Variants in PTPN11 observed in about 807,000 individuals in gnomAD.
The protein encoded by PTPN11 is protein tyrosine phosphatase non-receptor type 11.
Under a neutral mutation model 78.8 loss-of-function variants are expected in PTPN11, and 6 were observed. The observed-to-expected ratio is 0.08, with a 90% confidence interval of 0.04 to 0.15. The LOEUF (loss-of-function observed/expected upper bound fraction) is 0.15. PTPN11 is among the 10% of genes least tolerant of loss of function. The probability of loss-of-function intolerance (pLI) is 1.00; values close to 1 mark genes in which losing one functional copy is unlikely to be tolerated. For synonymous variants in PTPN11, 221 were observed against 263.5 expected, an observed-to-expected ratio of 0.84 and a Z score of 1.56; for missense variants, 386 against 744.8, an observed-to-expected ratio of 0.52 and a Z score of 5.61.
chr12:112,504,977 A>C lies in PTPN11; in HGVS notation c.*32+181A>C, dbSNP rs1195059242. ...ATGGTTTTAGTTTAGAGTTCATTAA[A>C]CATTAAAATCAAACACAGAATTAAT... On this transcript the variant is annotated intron_variant, in intron 15 of 15. Transcript: ENST00000351677. This position sits in a 1 kb window ranked among gnomAD's most constrained non-coding sequence, Gnocchi z 4.7. Among the ~76,000 whole-genome samples, 1 of 152,246 alleles carries C rather than the reference A, an allele frequency of 6.6e-6. No individual in the cohort carries two copies. The highest frequency in any genetic ancestry group is 2.4e-5 in the African/African-American group (1 of 41,450).
chr12:112,419,163 C>T (rs1264925397), intron 1 of PTPN11, 38 bp downstream of exon 1: 2 of 1,484,018 alleles, frequency 1.3e-6, no homozygotes, highest in Non-Finnish European at 1.8e-6. Flanking sequence ...GGCCTCGGCC[C>T]GGCCACCGCC....
chr12:112,456,072 T>C lies in PTPN11; in HGVS notation c.756+9T>C, dbSNP rs773222704. 17 of 1,558,518 alleles carry C rather than the reference T, an allele frequency of 1.1e-5. No individual in the cohort carries two copies. In the Admixed American group the frequency reaches 2.5e-4, roughly 23 times the overall value. ...TTTGGGAAGAATTTGAGGTAAGTTA[T>C]TAAAAAACTGTTTTTACGTGAGTTG... On this transcript the variant is annotated intron_variant, in intron 6 of 15. Transcript: ENST00000351677.
At chr12:112,478,138 G>A in intron 9 of PTPN11, 123 bp downstream of exon 9, 1 of 1,141,118 alleles carries the variant, frequency 8.8e-7, no homozygotes, top group South Asian at 1.4e-5. Flanking sequence ...TGGAAAAAAG[G>A]GACTAGGAGA....
intron 1 of PTPN11, among the ~76,000 whole-genome samples, chr12:112,431,699 A>G (rs545510447): frequency 6.6e-6 from 1 of 152,290 alleles, no homozygotes; most frequent in East Asian, 1.9e-4. Flanking sequence ...ACTTTTTTCT[A>G]AACGTTTTCT....
intron 6 of PTPN11, chr12:112,457,305 T>G (rs945278667): frequency 2.9e-6 from 1 of 350,772 alleles, no homozygotes; most frequent in African/African-American, 2.2e-5. Context: ...CTGAGAATGA[T>G]GGTTTCCAGC....
At chr12:112,434,476 C>T (rs892367510) in intron 1 of PTPN11, among the ~76,000 whole-genome samples, 5 of 151,620 alleles carry the variant, frequency 3.3e-5, no homozygotes, top group Non-Finnish European at 5.9e-5. Context: ...GGCATGGTGG[C>T]GTGCACCTGT....
At chr12:112,429,094 A>C (rs1042447560) in intron 1 of PTPN11, among the ~76,000 whole-genome samples, 59 of 152,332 alleles carry the variant, frequency 3.9e-4, no homozygotes, top group Admixed American at 1.2e-3. Flanking sequence ...AGAGCCATGA[A>C]GAAGTGTATG....
In PTPN11 at chr12:112,482,768, G is replaced by GGGATTGTTT. The variant is rs2038616918; in HGVS notation, c.1224+566_1224+574dup. Among the ~76,000 whole-genome samples, 2 of 152,158 alleles carry GGGATTGTTT rather than the reference G, an allele frequency of 1.3e-5. No homozygotes were observed. Among genetic ancestry groups the GGGATTGTTT allele is most frequent in the South Asian group, 4.1e-4 (2 of 4,832 alleles). On this transcript the variant is annotated intron_variant, in intron 10 of 15. Transcript: ENST00000351677. The surrounding 1 kb of genome is among the most constrained non-coding windows in gnomAD (Gnocchi z 4.4). ...CGGGGGGTGAAGTCTGCAGGATGTG[G>GGGATTGTTT]GGATTGTTTGGCTTTTGGAGGAGGA... is the stretch of plus-strand genomic sequence containing the variant.
intron 5 of PTPN11, among the ~76,000 whole-genome samples, chr12:112,454,982 G>A (rs2038134237): frequency 6.7e-6 from 1 of 150,270 alleles, no homozygotes; most frequent in Non-Finnish European, 1.5e-5. Flanking sequence ...ACCATGCCCG[G>A]CTAGTTTTTG....
At chr12:112,476,068 G>C (rs1313265711) in intron 7 of PTPN11, among the ~76,000 whole-genome samples, 1 of 152,116 alleles carries the variant, frequency 6.6e-6, no homozygotes, top group Non-Finnish European at 1.5e-5. Context: ...GCTTCCCAAA[G>C]TGCCAGGATT....
intron 14 of PTPN11, among the ~76,000 whole-genome samples, chr12:112,502,662 G>T (rs1436142113): frequency 6.6e-6 from 1 of 152,064 alleles, no homozygotes; most frequent in East Asian, 1.9e-4. Flanking sequence ...CAGGAGAATC[G>T]CTTGAACCCA....
chr12:112,499,286 GTGAGT>G (rs1449306453), intron 13 of PTPN11, among the ~76,000 whole-genome samples: 1 of 152,038 alleles, frequency 6.6e-6, no homozygotes, highest in African/African-American at 2.4e-5. Flanking sequence ...TATTTAAAAA[GTGAGT>G]TGAGATTTTT....
intron 9 of PTPN11, among the ~76,000 whole-genome samples, chr12:112,479,254 G>T (rs188240026): frequency 6.0e-4 from 90 of 149,866 alleles, no homozygotes; most frequent in African/African-American, 2.1e-3. Flanking sequence ...CACCATGGTG[G>T]TTTTTTTTTT....
chr12:112,459,256 C>G (rs2038210488), intron 6 of PTPN11, among the ~76,000 whole-genome samples: 1 of 151,910 alleles, frequency 6.6e-6, no homozygotes, highest in South Asian at 2.1e-4. Flanking sequence ...AATGGAAAGC[C>G]GATTGTTCCA....
chr12:112,480,366 CT>C (rs570561435), intron 9 of PTPN11, among the ~76,000 whole-genome samples: 11,854 of 130,200 alleles, frequency 0.091, 423 homozygotes, highest in Middle Eastern at 0.18. Flanking sequence ...CCACATCGTT[CT>C]TTTTTTTTTT....
At chr12:112,431,652 A>G (rs1327045836) in intron 1 of PTPN11, among the ~76,000 whole-genome samples, 2 of 152,146 alleles carry the variant, frequency 1.3e-5, no homozygotes, top group Non-Finnish European at 2.9e-5. Flanking sequence ...AGAGTCAACC[A>G]GGGGCCATGC....
At chr12:112,424,075 A>G (rs1014376051) in intron 1 of PTPN11, among the ~76,000 whole-genome samples, 2 of 152,190 alleles carry the variant, frequency 1.3e-5, no homozygotes, top group Middle Eastern at 3.2e-3. Flanking sequence ...TTTTAAAGAT[A>G]ATGGTTCAAG....
chr12:112,447,833 C>T (rs1479519628), intron 2 of PTPN11, among the ~76,000 whole-genome samples: 4 of 130,744 alleles, frequency 3.1e-5, no homozygotes, highest in African/African-American at 1.2e-4. Context: ...CAAAGTCTTG[C>T]TCTTTTTCCC....
At chr12:112,435,709 G>GA (rs2135841366) in intron 1 of PTPN11, among the ~76,000 whole-genome samples, 1 of 141,536 alleles carries the variant, frequency 7.1e-6, no homozygotes, top group African/African-American at 2.7e-5. Context: ...AAAATGATTA[G>GA]AATTCTATTT....
Sources: allele counts gnomAD v4.1 joint callset (sites outside exome capture counted in the v4.1 genomes callset), GRCh38; gene constraint gnomAD v4.1.1; non-coding constraint Gnocchi (gnomAD v3.1); transcripts MANE v1.5; gene names NCBI Gene and HGNC (gene_info 2026-07-23, HGNC 2026-07-21).